Variants in THSD7B observed in about 807,000 individuals in gnomAD.
THSD7B encodes thrombospondin type-1 domain-containing protein 7B.
In THSD7B, 138 loss-of-function variants were observed where a neutral mutation model predicts 213.6. The ratio of observed to expected loss-of-function variants is 0.65; its 90% confidence interval spans 0.56 to 0.74. THSD7B has a LOEUF of 0.74. Ranked by LOEUF, THSD7B falls within the 30% of genes least tolerant of loss-of-function variation. The pLI is 0.00. For synonymous variants in THSD7B, 742 were observed against 687.0 expected (o/e 1.08, Z -1.25); for missense variants, 1,931 against 1,991.5 (o/e 0.97, Z 0.58).
chr2:137,209,748 T>G (rs779576383), intron 7 of THSD7B, among the ~76,000 whole-genome samples: 4 of 152,124 alleles, frequency 2.6e-5, no homozygotes, highest in Admixed American at 6.6e-5. Context: ...GAAATGCTAA[T>G]GCATTTAACG....
chr2:137,594,736 G>A (rs1049375633), intron 17 of THSD7B, among the ~76,000 whole-genome samples: 3 of 151,664 alleles, frequency 2.0e-5, no homozygotes, highest in Admixed American at 6.6e-5. Flanking sequence ...TTGCATTGTC[G>A]ATTTCTTACA....
At chr2:136,886,577 A>T (rs184113403) in intron 2 of THSD7B, among the ~76,000 whole-genome samples, 34 of 152,258 alleles carry the variant, frequency 2.2e-4, no homozygotes, top group Non-Finnish European at 3.4e-4. Context: ...TGTTGAGTAA[A>T]ATCCAGGGAT....
At chr2:137,079,462 A>G (rs62172274) in intron 3 of THSD7B, among the ~76,000 whole-genome samples, 13,334 of 152,218 alleles carry the variant, frequency 0.088, 722 homozygotes, top group East Asian at 0.18. Flanking sequence ...TTTACATTCT[A>G]AAGTGTTTTT....
intron 2 of THSD7B, among the ~76,000 whole-genome samples, chr2:136,944,313 A>G (rs1446436956): frequency 1.3e-5 from 2 of 152,142 alleles, no homozygotes; most frequent in Admixed American, 6.6e-5. Context: ...TATGTGGTCA[A>G]TTTTGGAATA....
intron 2 of THSD7B, among the ~76,000 whole-genome samples, chr2:136,941,827 C>G (rs1454484879): frequency 6.6e-6 from 1 of 152,072 alleles, no homozygotes. Context: ...GTTTCTTTTG[C>G]TGTGCAGAAA....
intron 1 of THSD7B, among the ~76,000 whole-genome samples, chr2:136,863,370 C>A (rs1573675541): frequency 6.6e-6 from 1 of 152,168 alleles, no homozygotes; most frequent in African/African-American, 2.4e-5. Flanking sequence ...GGAGCAGAAC[C>A]TTGAGATTCT....
chr2:137,132,367 A>C (rs112557128), intron 5 of THSD7B, among the ~76,000 whole-genome samples: 7 of 103,048 alleles, frequency 6.8e-5, no homozygotes, highest in African/African-American at 2.2e-4. Flanking sequence ...AAGGGTATTC[A>C]ATTTTTTTTT....
At chr2:137,412,459 G>A (rs1686680221) in intron 14 of THSD7B, among the ~76,000 whole-genome samples, 1 of 151,620 alleles carries the variant, frequency 6.6e-6, no homozygotes, top group African/African-American at 2.4e-5. Context: ...AATTAGCCGG[G>A]CGTGGTGGCG....
At chr2:136,957,860 C>A (rs1221007532) in intron 2 of THSD7B, among the ~76,000 whole-genome samples, 1 of 152,104 alleles carries the variant, frequency 6.6e-6, no homozygotes, top group African/African-American at 2.4e-5. Flanking sequence ...TTCTTAGCAT[C>A]TTTAAGTTAG....
chr2:136,901,438 T>A (rs1684061603), intron 2 of THSD7B, among the ~76,000 whole-genome samples: 1 of 152,362 alleles, frequency 6.6e-6, no homozygotes, highest in South Asian at 2.1e-4. Context: ...TTTTAAAAGC[T>A]CTAGAATATT....
At chr2:136,879,890 G>A (rs1233984323) in intron 1 of THSD7B, among the ~76,000 whole-genome samples, 1 of 152,122 alleles carries the variant, frequency 6.6e-6, no homozygotes, top group Non-Finnish European at 1.5e-5. Flanking sequence ...TAATGGTAAA[G>A]GGATCAATTC....
chr2:137,561,224 A>G (rs541710778), intron 15 of THSD7B, among the ~76,000 whole-genome samples: 2 of 152,312 alleles, frequency 1.3e-5, no homozygotes, highest in Admixed American at 1.3e-4. Context: ...GCAAGAAACC[A>G]ATATACAATC....
chr2:136,896,099 T>C (rs1683955774), intron 2 of THSD7B, among the ~76,000 whole-genome samples: 1 of 152,212 alleles, frequency 6.6e-6, no homozygotes, highest in Admixed American at 6.5e-5. Flanking sequence ...TTCATTTCTC[T>C]TGGGAGCAGA....
intron 17 of THSD7B, among the ~76,000 whole-genome samples, chr2:137,579,134 C>T (rs1016847738): frequency 3.3e-5 from 5 of 152,126 alleles, no homozygotes; most frequent in African/African-American, 9.6e-5. Flanking sequence ...GCAGTGTTTC[C>T]CTTAATCATT....
chr2:136,864,753 C>G (rs1036590491), intron 1 of THSD7B, among the ~76,000 whole-genome samples: 1 of 152,126 alleles, frequency 6.6e-6, no homozygotes, highest in African/African-American at 2.4e-5. Context: ...GGGGTTTCCC[C>G]ATGTTAGCCA....
chr2:137,618,493 G>A lies in THSD7B; in HGVS notation c.3667G>A (p.Asp1223Asn). ...VCSDGKPVSM[D>N]QCEQHNLEKP... is the part of the protein sequence containing the mutation. ...CAGTGATGGCAAGCCAGTCAGCATG[G>A]ACCAATGTGAGCAGGTACTGTGTTT... is the stretch of plus-strand genomic sequence containing the variant. Residue 1223 changes from aspartate to asparagine, a missense_variant, in exon 19 of 28, where the codon GAC (aspartate) becomes AAC (asparagine). By Grantham distance (23) the Asp-to-Asn change is conservative. Coordinates refer to ENST00000409968, the MANE Select transcript of THSD7B (RefSeq NM_001316349.2). 1.2e-6 allele frequency: 2 copies of A among 1,613,754 alleles called. No homozygotes were observed. Among genetic ancestry groups the A allele is most frequent in the Non-Finnish European group, 1.7e-6 (2 of 1,179,822 alleles).
intron 2 of THSD7B, among the ~76,000 whole-genome samples, chr2:137,047,440 G>T (rs1432235): frequency 0.09 from 13,754 of 152,238 alleles, 779 homozygotes; most frequent in East Asian, 0.22. Flanking sequence ...ATAATGAGGA[G>T]AAAGCGCAGT....
At chr2:137,372,791 C>T (rs12477355) in intron 12 of THSD7B, among the ~76,000 whole-genome samples, 85,081 of 150,946 alleles carry the variant, frequency 0.56, 27,093 homozygotes, top group East Asian at 0.77. Context: ...TGGTGTGCTG[C>T]ACCCATTAAC....
intron 12 of THSD7B, among the ~76,000 whole-genome samples, chr2:137,282,537 G>A (rs1279962336): frequency 3.3e-5 from 5 of 152,138 alleles, no homozygotes; most frequent in African/African-American, 9.6e-5. Context: ...TATGGTTTTA[G>A]GTCTAACATT....
Sources: gnomAD v4.1 joint callset for allele counts (sites outside exome capture counted in the v4.1 genomes callset) on GRCh38, gnomAD v4.1.1 for gene constraint, MANE v1.5 for transcripts, NCBI Gene and HGNC (gene_info 2026-07-23, HGNC 2026-07-21) for gene names.